Variants in KIAA2012 observed in about 807,000 individuals in gnomAD.
KIAA2012 encodes KIAA2012, also known as uncharacterized protein KIAA2012.
A neutral mutation model predicts 150.6 loss-of-function variants in KIAA2012; 125 were observed. The observed-to-expected ratio is 0.83, with a 90% CI of 0.72 to 0.96. The LOEUF (loss-of-function observed/expected upper bound fraction) is 0.96. Ranked by LOEUF, KIAA2012 falls within the 40% of genes least tolerant of loss-of-function variation. KIAA2012 has a pLI of 0.00. For missense variants in KIAA2012, 1,219 were observed against 1,354.9 expected (o/e 0.90, Z 1.57); for synonymous variants, 462 against 504.7 (o/e 0.92, Z 1.13).
chr2:202,087,169 G>C (rs1432796232), intron 2 of KIAA2012, among the ~76,000 whole-genome samples: 3 of 152,074 alleles, frequency 2.0e-5, no homozygotes, highest in Non-Finnish European at 4.4e-5. Flanking sequence ...TGGCAACAGA[G>C]ACCATATGGC....
intron 5 of KIAA2012, among the ~76,000 whole-genome samples, chr2:202,098,782 CTAAG>C (rs1689960439): frequency 7.7e-6 from 1 of 129,738 alleles, no homozygotes; most frequent in Non-Finnish European, 1.6e-5. Context: ...TTTCTAAACT[CTAAG>C]GCCGTGTGTG....
At chr2:202,186,799 A>G (rs1692236241) in intron 16 of KIAA2012, 134 bp from the exon 17 acceptor site, 3 of 755,056 alleles carry the variant, frequency 4.0e-6, no homozygotes, top group Non-Finnish European at 6.1e-6. Flanking sequence ...CAGAAGAAAA[A>G]GAGTTGACTA....
rs192417060 is a variant in KIAA2012, at chr2:202,163,080, T to C, written c.2047-2204T>C. On this transcript the variant is annotated intron_variant, in intron 14 of 23. Coordinates refer to ENST00000498697, the MANE Select transcript of KIAA2012 (RefSeq NM_001277372.4). ...GTTGCAGTGAATGAATGACTTTAAA[T>C]AGAAGTTATTTCACATGTATATTCT... Among the ~76,000 whole-genome samples, 150 of 150,994 alleles carry C rather than the reference T, an allele frequency of 9.9e-4. 1 individual carries two copies. The highest frequency in any genetic ancestry group is 2.9e-3 in the African/African-American group (120 of 41,126).
At position 202,187,047 on chromosome 2, in the gene KIAA2012, G is replaced by A. The variant is rs1692242340; in HGVS notation, c.2325G>A (p.Gly775=). 2 of 1,550,478 alleles carry A rather than the reference G, an allele frequency of 1.3e-6. No individual in the cohort carries two copies. The highest frequency in any genetic ancestry group is 1.4e-5 in the African/African-American group (1 of 73,056). Residue 775 remains glycine (G), a synonymous_variant, in exon 17 of 24, where the codon GGG becomes GGA. Transcript: ENST00000498697. ...YTSLLPRERE[G]KAEPRLFSQE... is the part of the protein sequence containing the mutation. ...CTCTTCTTCCAAGAGAAAGAGAAGGGAAGGCTGAACCAAGACTGTTTAGCC... is the reference window on the plus strand; with the variant it reads ...CTCTTCTTCCAAGAGAAAGAGAAGGAAAGGCTGAACCAAGACTGTTTAGCC...
At chr2:202,101,375 TC>T (rs961102480) in intron 7 of KIAA2012, among the ~76,000 whole-genome samples, 2 of 152,216 alleles carry the variant, frequency 1.3e-5, no homozygotes, top group African/African-American at 4.8e-5. Context: ...CAGAAGGGCC[TC>T]TGTCTTCCCA....
intron 14 of KIAA2012, among the ~76,000 whole-genome samples, chr2:202,162,671 G>A (rs1406744260): frequency 6.8e-6 from 1 of 146,512 alleles, no homozygotes; most frequent in Non-Finnish European, 1.5e-5. Flanking sequence ...AGTGGCTCAC[G>A]CCTGTAATCC....
Position 202,188,195 on chromosome 2 carries a change from A to G in KIAA2012, c.2420A>G (p.Lys807Arg). 1 of 1,550,788 alleles carries G rather than the reference A, an allele frequency of 6.4e-7. No homozygotes were observed. Among genetic ancestry groups the G allele is most frequent in the Non-Finnish European group, 8.7e-7 (1 of 1,147,028 alleles). Residue 807 changes from lysine to arginine, a missense_variant, in exon 18 of 24, where the codon AAG (lysine) becomes AGG (arginine). Transcript: ENST00000498697. The part of the protein sequence containing the change: ...INEAKRKEKP[K>R]KDKTKGPKSE... ...GAGGCCAAGAGAAAGGAAAAACCCA[A>G]GAAAGACAAAACCAAAGGACCCAAA...
In KIAA2012 at chr2:202,105,769, C is replaced by T; in HGVS notation, c.1333C>T (p.His445Tyr). 1.3e-6 allele frequency: 2 copies of T among 1,550,582 alleles called. No homozygotes were observed. The highest frequency in any genetic ancestry group is 1.7e-6 in the Non-Finnish European group (2 of 1,146,960). ...TCCTCTTTGTCTCCTAGGTGCTCCA[C>T]ACCCTGAGTCAGAACCAGAAAGCAG... Reference protein sequence around the residue: ...KEKAHRRGAPHPESEPESSEE... With the variant: ...KEKAHRRGAPYPESEPESSEE... Residue 445 changes from histidine to tyrosine, a missense_variant, in exon 9 of 24, where the codon CAC becomes TAC. Transcript: ENST00000498697.
In KIAA2012 at chr2:202,103,092, A is replaced by G; in HGVS notation, c.1302A>G (p.Pro434=). ...TTCATTACCACACCAAACAACCCCCAAAAGAGAAAGCCCACAGAAGAGGTA... is the reference window on the plus strand; with the variant it reads ...TTCATTACCACACCAAACAACCCCCGAAAGAGAAAGCCCACAGAAGAGGTA... The part of the protein sequence containing the change: ...VEIHYHTKQP[P]KEKAHRRGAP... Residue 434 remains proline (P), a synonymous_variant, in exon 8 of 24, where the codon CCA becomes CCG. Transcript: ENST00000498697. The G allele has an allele frequency of 6.4e-7, 1 of 1,550,532 alleles. No individual in the cohort carries two copies. Among genetic ancestry groups the G allele is most frequent in the Non-Finnish European group, 8.7e-7 (1 of 1,146,968 alleles).
chr2:202,160,692 C>T (rs879746342), intron 14 of KIAA2012, among the ~76,000 whole-genome samples: 1 of 152,120 alleles, frequency 6.6e-6, no homozygotes, highest in Admixed American at 6.5e-5. Context: ...GAAGTTGAAA[C>T]TTTTGAATGA....
At chr2:202,160,739 A>T (rs1464827721) in intron 14 of KIAA2012, among the ~76,000 whole-genome samples, 1 of 152,206 alleles carries the variant, frequency 6.6e-6, no homozygotes, top group Non-Finnish European at 1.5e-5. Context: ...AAAGTATTGA[A>T]ATTAGTCATT....
Position 202,187,023 on chromosome 2 carries a change from T to C in KIAA2012, c.2301T>C (p.Ser767=). The change falls in exon 17 of 24, where the codon TCT becomes TCC. Residue 767 remains serine (S), a synonymous_variant. Coordinates refer to ENST00000498697, the MANE Select transcript of KIAA2012 (RefSeq NM_001277372.4). ...AGAGGTTGAGTGCTGTGTATACATC[T>C]CTTCTTCCAAGAGAAAGAGAAGGGA... ...SPERLSAVYT[S]LLPREREGKA... 2 of 1,550,582 alleles carry C rather than the reference T, an allele frequency of 1.3e-6. No individual in the cohort carries two copies. Among genetic ancestry groups the C allele is most frequent in the Non-Finnish European group, 1.7e-6 (2 of 1,146,994 alleles).
intron 14 of KIAA2012, among the ~76,000 whole-genome samples, chr2:202,161,673 C>G (rs1691660199): frequency 6.6e-6 from 1 of 152,054 alleles, no homozygotes; most frequent in Non-Finnish European, 1.5e-5. Flanking sequence ...CCATGAGGCC[C>G]TGCAGAAACC....
At chr2:202,098,296 G>A (rs1689946101) in intron 5 of KIAA2012, among the ~76,000 whole-genome samples, 1 of 152,192 alleles carries the variant, frequency 6.6e-6, no homozygotes, top group African/African-American at 2.4e-5. Context: ...GGAGGAGGAG[G>A]TTGTAGTAAG....
rs1335538984 is a variant in KIAA2012 at position 202,125,174 on chromosome 2, T to C, written c.1763-40T>C. 17 of 1,494,990 alleles carry C rather than the reference T, an allele frequency of 1.1e-5. No individual in the cohort carries two copies. In the East Asian group the frequency reaches 3.9e-4, roughly 35 times the overall value. The allele number at this position is 1,494,990 out of a possible 1,614,324, so 92.6% of individuals were successfully genotyped here. On this transcript the variant is annotated intron_variant, in intron 11 of 23. Transcript: ENST00000498697. ...ATAAGGGAATAAATTTTTACAAGAC[T>C]TTTTCCCGCTCTCAGGTAAAATATC...
chr2:202,155,769 A>G (rs1331953706), intron 14 of KIAA2012, among the ~76,000 whole-genome samples: 1 of 152,192 alleles, frequency 6.6e-6, no homozygotes, highest in African/African-American at 2.4e-5. Flanking sequence ...GGCTGCCCCA[A>G]TCCCAATTCT....
chr2:202,143,103 G>C (rs1264037229), intron 13 of KIAA2012, among the ~76,000 whole-genome samples: 2 of 104,280 alleles, frequency 1.9e-5, no homozygotes, highest in Admixed American at 2.2e-4. Context: ...TTTTCTTTTT[G>C]AGATAGAGTC....
chr2:202,103,215 AT>A, intron 8 of KIAA2012, 101 bp downstream of exon 8: 1 of 1,106,898 alleles, frequency 9.0e-7, no homozygotes, highest in South Asian at 1.7e-5. Flanking sequence ...CCCTATGGTC[AT>A]CCCCTTCAGA....
chr2:202,194,917 C>T (rs1012790730), intron 21 of KIAA2012, among the ~76,000 whole-genome samples: 3 of 151,776 alleles, frequency 2.0e-5, no homozygotes, highest in Non-Finnish European at 4.4e-5. Context: ...TACAGGCGCC[C>T]GCCACCATGC....
Sources: gnomAD v4.1 joint callset for allele counts (sites outside exome capture counted in the v4.1 genomes callset) on GRCh38, gnomAD v4.1.1 for gene constraint, MANE v1.5 for transcripts, NCBI Gene and HGNC (gene_info 2026-07-23, HGNC 2026-07-21) for gene names.